GDPD4: variants seen among roughly 807,000 people sequenced by gnomAD.
GDPD4 encodes the protein glycerophosphodiester phosphodiesterase domain containing 4.
A neutral mutation model predicts 67.8 loss-of-function variants in GDPD4; 60 were observed. That is an observed-to-expected ratio of 0.88 (90% CI 0.72 to 1.10). The LOEUF (loss-of-function observed/expected upper bound fraction) is 1.10, where lower values mean the gene tolerates loss of function less well. GDPD4 is among the 50% of genes least tolerant of loss of function. The pLI, the probability that GDPD4 is intolerant of heterozygous loss-of-function variation, is 0.00. For synonymous variants in GDPD4, 212 were observed against 210.9 expected, an observed-to-expected ratio of 1.00 and a Z score of -0.04; for missense variants, 623 against 613.9, an observed-to-expected ratio of 1.01 and a Z score of -0.16.
intron 13 of GDPD4, among the ~76,000 whole-genome samples, chr11:77,242,328 T>C (rs1958683891): frequency 6.6e-6 from 1 of 152,230 alleles, no homozygotes; most frequent in African/African-American, 2.4e-5. Flanking sequence ...TTAAAATGTC[T>C]TTAAAACATT....
intron 7 of GDPD4, among the ~76,000 whole-genome samples, chr11:77,270,589 A>G (rs1959208191): frequency 6.6e-6 from 1 of 152,158 alleles, no homozygotes. Context: ...CATGCCTGTA[A>G]TCCCAGCTAC....
At position 77,239,551 on chromosome 11, in the gene GDPD4, C is replaced by T. The variant is rs1460803343; in HGVS notation, c.1241+4143G>A. On this transcript the variant is annotated intron_variant, in intron 13 of 16. Coordinates refer to ENST00000315938, the MANE Select transcript of GDPD4 (RefSeq NM_182833.3). ...ATTTCTTTCTATGTACTAACAACTA[C>T]CTAACTGATGAAAGTAAGAAAATAA... 2.6e-5 allele frequency among the ~76,000 whole-genome samples: 4 copies of T among 152,110 alleles called. No individual in the cohort carries two copies. In the East Asian group the frequency reaches 7.7e-4, roughly 29 times the overall value.
intron 11 of GDPD4, 48 bp from the exon 12 acceptor site, chr11:77,245,550 C>T (rs1591542960): frequency 7.5e-7 from 1 of 1,328,710 alleles, no homozygotes; most frequent in Non-Finnish European, 1.1e-6. Flanking sequence ...TTCCAGTTCT[C>T]CTACTATGTA....
At chr11:77,275,552 A>G (rs1254139923) in intron 5 of GDPD4, among the ~76,000 whole-genome samples, 1 of 152,178 alleles carries the variant, frequency 6.6e-6, no homozygotes. Flanking sequence ...CGTCCACGGG[A>G]AAACAAGCAA....
At chr11:77,233,219 C>T in intron 13 of GDPD4, 47 bp from the exon 14 acceptor site, 1 of 1,584,052 alleles carries the variant, frequency 6.3e-7, no homozygotes, top group South Asian at 1.1e-5. Context: ...AAGTTTCATT[C>T]TCATCATCTA....
intron 3 of GDPD4, among the ~76,000 whole-genome samples, chr11:77,283,786 A>G (rs1959862985): frequency 6.6e-6 from 1 of 151,782 alleles, no homozygotes; most frequent in African/African-American, 2.4e-5. Context: ...GCTGTCATAT[A>G]CCTCTGTTTT....
intron 13 of GDPD4, among the ~76,000 whole-genome samples, chr11:77,235,410 C>T (rs1958543172): frequency 6.6e-6 from 1 of 152,052 alleles, no homozygotes; most frequent in Admixed American, 6.6e-5. Context: ...GGGAATCACT[C>T]TATCTGATGT....
chr11:77,246,643 G>T (rs1056053666), intron 11 of GDPD4, among the ~76,000 whole-genome samples: 1 of 152,116 alleles, frequency 6.6e-6, no homozygotes, highest in Non-Finnish European at 1.5e-5. Flanking sequence ...TATTTCTTAG[G>T]ATTATTTTGA....
At chr11:77,277,864 T>G (rs890564380) in intron 4 of GDPD4, among the ~76,000 whole-genome samples, 2 of 152,034 alleles carry the variant, frequency 1.3e-5, no homozygotes, top group African/African-American at 4.8e-5. Flanking sequence ...CTTTCTCTTG[T>G]GGACATTTAG....
intron 1 of GDPD4, among the ~76,000 whole-genome samples, chr11:77,288,856 T>A (rs180768899): frequency 1.3e-5 from 2 of 152,162 alleles, no homozygotes; most frequent in Non-Finnish European, 1.5e-5. Context: ...AAAATAACAA[T>A]ATTAAATATA....
intron 16 of GDPD4, among the ~76,000 whole-genome samples, chr11:77,220,267 G>A (rs1361447392): frequency 6.6e-6 from 1 of 152,150 alleles, no homozygotes; most frequent in Non-Finnish European, 1.5e-5. Context: ...GGTGAGAAAG[G>A]GCATCCCTGT....
chr11:77,251,924 A>C (rs1958906555), intron 11 of GDPD4, among the ~76,000 whole-genome samples: 2 of 152,066 alleles, frequency 1.3e-5, no homozygotes, highest in African/African-American at 2.4e-5. Context: ...TAATTTTCAA[A>C]TGATACATCA....
chr11:77,253,492 T>C (rs1246798345), intron 11 of GDPD4, among the ~76,000 whole-genome samples: 1 of 152,160 alleles, frequency 6.6e-6, no homozygotes, highest in Non-Finnish European at 1.5e-5. Flanking sequence ...TCTCAGCAGC[T>C]TAGACTCTAG....
chr11:77,248,584 C>A (rs1958826999), intron 11 of GDPD4, among the ~76,000 whole-genome samples: 1 of 152,138 alleles, frequency 6.6e-6, no homozygotes, highest in African/African-American at 2.4e-5. Flanking sequence ...CACCAGAGTA[C>A]TACAACCACT....
rs142214451 is a variant in GDPD4, at chr11:77,243,819, T to C, written c.1116A>G (p.Gln372=). 3.3e-5 allele frequency: 54 copies of C among 1,613,618 alleles called. No homozygotes were observed. Among genetic ancestry groups the C allele is most frequent in the Non-Finnish European group, 4.5e-5 (53 of 1,179,824 alleles). Residue 372 remains glutamine, a synonymous_variant, in exon 13 of 17, where the codon CAA becomes CAG. Transcript: ENST00000315938. ...LIFWLPAHDR[Q]YVRSVAPGFQ... is the part of the protein sequence containing the mutation. ...AACCAGGAGCCACGGACCTGACGTA[T>C]TGCCTATCATGAGCTGGCAACCAAA...
At chr11:77,286,835 C>T (rs1000424078) in intron 2 of GDPD4, 10 of 152,134 alleles carry the variant, frequency 6.6e-5, no homozygotes, top group South Asian at 2.1e-4. Flanking sequence ...TTTTCTCCTG[C>T]GAAGAGAAAT....
intron 11 of GDPD4, among the ~76,000 whole-genome samples, chr11:77,249,191 G>A (rs889108758): frequency 1.3e-4 from 19 of 149,802 alleles, no homozygotes; most frequent in East Asian, 2.0e-4. Flanking sequence ...GCTTGAAGCC[G>A]GGAAGCAGAG....
intron 5 of GDPD4, among the ~76,000 whole-genome samples, chr11:77,273,710 G>A (rs954156189): frequency 5.3e-5 from 8 of 152,188 alleles, no homozygotes; most frequent in Admixed American, 2.0e-4. Context: ...CTGAAGCCTA[G>A]GCTCATTGGT....
At chr11:77,260,322 C>T (rs1471531613) in intron 10 of GDPD4, among the ~76,000 whole-genome samples, 3 of 105,340 alleles carry the variant, frequency 2.8e-5, no homozygotes, top group East Asian at 3.1e-4. Flanking sequence ...AAAAAATGGT[C>T]GGGGGAGGGG....
Sources: gnomAD v4.1 joint callset for allele counts (sites outside exome capture counted in the v4.1 genomes callset) on GRCh38, gnomAD v4.1.1 for gene constraint, MANE v1.5 for transcripts, NCBI Gene and HGNC (gene_info 2026-07-23, HGNC 2026-07-21) for gene names.